Variants in SGCZ observed in about 807,000 individuals in gnomAD.
SGCZ encodes sarcoglycan zeta.
SGCZ carries 40 observed loss-of-function variants against 41.3 expected under a neutral mutation model. The observed-to-expected ratio is 0.97, with a 90% confidence interval of 0.75 to 1.26. The LOEUF (loss-of-function observed/expected upper bound fraction) is 1.26. Ranked by LOEUF, SGCZ falls within the 50% of genes most tolerant of loss-of-function variation. SGCZ has a pLI of 0.00. For synonymous variants in SGCZ, 206 were observed against 137.5 expected (o/e 1.50, Z -3.49); for missense variants, 552 against 369.8 (o/e 1.49, Z -4.04).
At chr8:14,945,611 C>A (rs1394822939) in intron 1 of SGCZ, among the ~76,000 whole-genome samples, 1 of 151,846 alleles carries the variant, frequency 6.6e-6, no homozygotes, top group East Asian at 2.0e-4. Flanking sequence ...TCTGTAAGGG[C>A]GTTTCCGGAG....
intron 2 of SGCZ, among the ~76,000 whole-genome samples, chr8:14,409,768 A>G (rs1248174534): frequency 6.6e-6 from 1 of 152,194 alleles, no homozygotes; most frequent in East Asian, 1.9e-4. Flanking sequence ...ATATACATAT[A>G]TAGCAACACA....
chr8:14,653,460 C>T (rs866109199), intron 1 of SGCZ, among the ~76,000 whole-genome samples: 4 of 152,172 alleles, frequency 2.6e-5, no homozygotes, highest in Middle Eastern at 6.8e-3. Context: ...GATAGCTTAG[C>T]CTATCTTTAT....
intron 2 of SGCZ, among the ~76,000 whole-genome samples, chr8:14,509,317 A>G (rs1015272780): frequency 6.6e-6 from 1 of 152,208 alleles, no homozygotes; most frequent in Admixed American, 6.5e-5. Flanking sequence ...AACGCAAATA[A>G]AAACATTATA....
At chr8:14,369,206 T>C (rs969570783) in intron 2 of SGCZ, among the ~76,000 whole-genome samples, 5 of 152,040 alleles carry the variant, frequency 3.3e-5, no homozygotes, top group African/African-American at 9.7e-5. Context: ...AAAAGCAAAC[T>C]CAAAATCAGA....
chr8:15,035,682 A>G (rs1199580273), intron 1 of SGCZ, among the ~76,000 whole-genome samples: 1 of 152,128 alleles, frequency 6.6e-6, no homozygotes, highest in Admixed American at 6.6e-5. Flanking sequence ...AAAGAAAACA[A>G]GGTTAGCTAC....
intron 2 of SGCZ, among the ~76,000 whole-genome samples, chr8:14,412,187 A>G (rs1450691093): frequency 6.6e-6 from 1 of 152,102 alleles, no homozygotes; most frequent in Non-Finnish European, 1.5e-5. Flanking sequence ...CTTTAGTCTC[A>G]CAGACCGGAA....
chr8:14,956,226 G>C (rs1478821089), intron 1 of SGCZ, among the ~76,000 whole-genome samples: 1 of 151,950 alleles, frequency 6.6e-6, no homozygotes, highest in East Asian at 1.9e-4. Context: ...ATTTAGTAGA[G>C]ATGGAGTTTC....
chr8:14,172,782 T>C (rs1055379743), intron 4 of SGCZ, among the ~76,000 whole-genome samples: 1 of 152,030 alleles, frequency 6.6e-6, no homozygotes, highest in African/African-American at 2.4e-5. Flanking sequence ...ACAGAATTTG[T>C]GGGGCAATGA....
In SGCZ at chr8:14,740,493, C is replaced by T. The variant is rs186285775; in HGVS notation, c.40-185567G>A. 6.6e-5 allele frequency among the ~76,000 whole-genome samples: 10 copies of T among 152,120 alleles called. No homozygotes were observed. The East Asian group carries it at 1.9e-3, about 29-fold the overall frequency. ...TTAGTGGGGCCCTGTGGATGGCTCA[C>T]AAACACATTTGGTAAGTTGGCAAAA... On this transcript the variant is annotated intron_variant, in intron 1 of 7. Transcript: ENST00000382080.
intron 1 of SGCZ, among the ~76,000 whole-genome samples, chr8:14,714,345 T>C (rs1012058188): frequency 2.0e-5 from 3 of 152,186 alleles, no homozygotes; most frequent in African/African-American, 7.2e-5. Flanking sequence ...AAAGTAACAG[T>C]ATCATAGTAC....
chr8:14,608,379 C>T (rs1029800995), intron 1 of SGCZ, among the ~76,000 whole-genome samples: 2 of 151,260 alleles, frequency 1.3e-5, no homozygotes, highest in African/African-American at 4.9e-5. Context: ...GCTGCACAAG[C>T]ATGGTACCAG....
At chr8:14,334,041 T>C (rs2117058674) in intron 2 of SGCZ, among the ~76,000 whole-genome samples, 1 of 152,154 alleles carries the variant, frequency 6.6e-6, no homozygotes, top group African/African-American at 2.4e-5. Context: ...AGGGAGGTAA[T>C]CCTGAATACA....
intron 1 of SGCZ, among the ~76,000 whole-genome samples, chr8:14,846,287 G>T (rs1803097396): frequency 6.6e-6 from 1 of 152,024 alleles, no homozygotes; most frequent in Non-Finnish European, 1.5e-5. Context: ...ATGAGGAAGT[G>T]TTGATTAAAC....
chr8:14,237,708 A>G, intron 3 of SGCZ, 29 bp from the exon 4 acceptor site: 1 of 1,576,586 alleles, frequency 6.3e-7, no homozygotes. Context: ...ATAAATAAAT[A>G]GAAAATAGAA....
At chr8:14,986,836 A>T (rs1801840169) in intron 1 of SGCZ, among the ~76,000 whole-genome samples, 1 of 152,018 alleles carries the variant, frequency 6.6e-6, no homozygotes, top group Admixed American at 6.6e-5. Flanking sequence ...AGTTTTCCAT[A>T]AATTGCCACT....
intron 1 of SGCZ, among the ~76,000 whole-genome samples, chr8:14,762,479 T>C (rs1799918408): frequency 6.6e-6 from 1 of 152,218 alleles, no homozygotes; most frequent in Non-Finnish European, 1.5e-5. Context: ...GGGGTTAATT[T>C]ATGTGAAGTA....
At chr8:14,259,277 A>C (rs554810338) in intron 3 of SGCZ, among the ~76,000 whole-genome samples, 1 of 152,314 alleles carries the variant, frequency 6.6e-6, no homozygotes, top group Admixed American at 6.5e-5. Flanking sequence ...ATTTTCCTTT[A>C]GAAAACAAAA....
intron 4 of SGCZ, among the ~76,000 whole-genome samples, chr8:14,223,331 C>A (rs1806267149): frequency 6.6e-6 from 1 of 152,044 alleles, no homozygotes; most frequent in Admixed American, 6.6e-5. Context: ...TTCATCATCA[C>A]TAGTATTTTC....
chr8:14,239,772 G>T (rs1050227073), intron 3 of SGCZ, among the ~76,000 whole-genome samples: 1 of 149,362 alleles, frequency 6.7e-6, no homozygotes, highest in Non-Finnish European at 1.5e-5. Flanking sequence ...CGTAGTGGCG[G>T]GCGCCTGTAG....
Sources: gnomAD v4.1 joint callset for allele counts (sites outside exome capture counted in the v4.1 genomes callset) on GRCh38, gnomAD v4.1.1 for gene constraint, MANE v1.5 for transcripts, NCBI Gene and HGNC (gene_info 2026-07-23, HGNC 2026-07-21) for gene names.